The following FAF1 variants were observed in gnomAD, a reference collection of about 807,000 sequenced individuals.
The protein encoded by FAF1 is FAS-associated factor 1.
A neutral mutation model predicts 92.5 loss-of-function variants in FAF1; 25 were observed. The ratio of observed to expected loss-of-function variants is 0.27; its 90% CI spans 0.20 to 0.38. The LOEUF is 0.38. Ranked by LOEUF, FAF1 falls within the 10% of genes least tolerant of loss-of-function variation. The pLI is 1.00. For missense variants in FAF1, 636 were observed against 793.3 expected (o/e 0.80, Z 2.38); for synonymous variants, 234 against 273.2 (o/e 0.86, Z 1.42).
chr1:50,627,513 G>A (rs1468534963), intron 8 of FAF1, among the ~76,000 whole-genome samples: 2 of 151,952 alleles, frequency 1.3e-5, no homozygotes, highest in African/African-American at 4.8e-5. Context: ...GAATGAATGA[G>A]CTATAACTAC....
At chr1:50,953,421 A>T (rs998212719) in intron 1 of FAF1, among the ~76,000 whole-genome samples, 1 of 151,528 alleles carries the variant, frequency 6.6e-6, no homozygotes, top group Non-Finnish European at 1.5e-5. Flanking sequence ...ATAAATAAAT[A>T]AATTTTTAAA....
rs189801996 is a variant in FAF1, at chr1:50,883,209, T to G, written c.46-25212A>C. 1.5e-3 allele frequency among the ~76,000 whole-genome samples: 229 copies of G among 151,838 alleles called. 1 individual carries two copies. Among genetic ancestry groups the G allele is most frequent in the Non-Finnish European group, 2.7e-3 (186 of 67,890 alleles). On this transcript the variant is annotated intron_variant, in intron 1 of 18. Coordinates refer to ENST00000396153, the MANE Select transcript of FAF1 (RefSeq NM_007051.3). ...TATGGGACAATCTGAACATCAAAAA[T>G]AAAAATGTCTGAAATAAAAAGAAAA...
intron 4 of FAF1, among the ~76,000 whole-genome samples, chr1:50,749,362 TAACTTA>T (rs1309554788): frequency 6.6e-6 from 1 of 152,150 alleles, no homozygotes; most frequent in Non-Finnish European, 1.5e-5. Flanking sequence ...GAAGGGACTT[TAACTTA>T]AAGTCCCAGT....
At chr1:50,771,933 T>C (rs537349446) in intron 4 of FAF1, among the ~76,000 whole-genome samples, 24 of 152,148 alleles carry the variant, frequency 1.6e-4, no homozygotes, top group African/African-American at 5.1e-4. Flanking sequence ...AAATGCCAAC[T>C]ATGTTTAATT....
chr1:50,935,816 A>G (rs1308889715), intron 1 of FAF1, among the ~76,000 whole-genome samples: 2 of 152,214 alleles, frequency 1.3e-5, no homozygotes, highest in East Asian at 1.9e-4. Context: ...TATGAACGCT[A>G]CTAGTGATGT....
rs568166057 is a variant in FAF1, at chr1:50,956,937, A to C, written c.45+2830T>G. The stretch of plus-strand genomic sequence containing the variant: ...CACTCCAGCCTGGGCAACAAGAGTG[A>C]AACTCCATCTCAGAAAAAATAAATA... On this transcript the variant is annotated intron_variant, in intron 1 of 18. Transcript: ENST00000396153. Among the ~76,000 whole-genome samples the C allele has an allele frequency of 4.6e-5, 7 of 152,316 alleles. No individual in the cohort carries two copies. In the East Asian group the frequency reaches 1.4e-3, roughly 29 times the overall value.
At chr1:50,928,076 GGAT>G (rs1296740559) in intron 1 of FAF1, among the ~76,000 whole-genome samples, 3 of 152,164 alleles carry the variant, frequency 2.0e-5, no homozygotes, top group African/African-American at 7.2e-5. Flanking sequence ...GTGAGGATCT[GGAT>G]GATGTTCACA....
chr1:50,835,456 C>A (rs1644191682), intron 2 of FAF1, among the ~76,000 whole-genome samples: 2 of 150,220 alleles, frequency 1.3e-5, no homozygotes, highest in Non-Finnish European at 3.0e-5. Context: ...TAGAACAAAT[C>A]ATTTAACAGG....
chr1:50,576,166 T>C (rs2149062215), intron 12 of FAF1, among the ~76,000 whole-genome samples: 1 of 152,322 alleles, frequency 6.6e-6, no homozygotes. Context: ...CCATCTGTCT[T>C]ATCCACAGTG....
At chr1:50,562,628 A>T (rs895117084) in intron 13 of FAF1, among the ~76,000 whole-genome samples, 2 of 152,216 alleles carry the variant, frequency 1.3e-5, no homozygotes, top group African/African-American at 4.8e-5. Context: ...GCAACTCTGT[A>T]TAAAGTTCAT....
At chr1:50,838,300 A>C (rs985012426) in intron 2 of FAF1, among the ~76,000 whole-genome samples, 2 of 152,038 alleles carry the variant, frequency 1.3e-5, no homozygotes, top group South Asian at 4.1e-4. Flanking sequence ...AAAGCTCTGA[A>C]TTGTTTAACA....
chr1:50,808,851 T>C (rs926413594), intron 2 of FAF1, among the ~76,000 whole-genome samples: 1 of 152,146 alleles, frequency 6.6e-6, no homozygotes, highest in African/African-American at 2.4e-5. Context: ...TTTTGGATCA[T>C]TCAAAATACT....
At chr1:50,823,731 A>T (rs1162348851) in intron 2 of FAF1, among the ~76,000 whole-genome samples, 2 of 152,132 alleles carry the variant, frequency 1.3e-5, no homozygotes, top group Non-Finnish European at 2.9e-5. Context: ...GGTTTGGGAC[A>T]CTGAAAAGAG....
At chr1:50,794,615 CA>C (rs1450904537) in intron 3 of FAF1, among the ~76,000 whole-genome samples, 1 of 152,166 alleles carries the variant, frequency 6.6e-6, no homozygotes, top group East Asian at 1.9e-4. Context: ...AGAATATAAA[CA>C]TATTTGGTTT....
chr1:50,805,645 C>T (rs757944586), intron 2 of FAF1, among the ~76,000 whole-genome samples: 9 of 152,106 alleles, frequency 5.9e-5, no homozygotes, highest in Non-Finnish European at 1.3e-4. Context: ...AAATCATACC[C>T]TACATGGAAT....
chr1:50,614,401 T>C, intron 8 of FAF1, among the ~76,000 whole-genome samples: 1 of 152,112 alleles, frequency 6.6e-6, no homozygotes, highest in South Asian at 2.1e-4. Context: ...TATTGAAATA[T>C]TAGAGTTAAG....
intron 1 of FAF1, among the ~76,000 whole-genome samples, chr1:50,938,021 T>TA (rs1201475797): frequency 6.6e-6 from 1 of 152,154 alleles, no homozygotes; most frequent in Admixed American, 6.5e-5. Flanking sequence ...TTTAAAGCAG[T>TA]AAGAATTAAA....
At chr1:50,656,774 T>C (rs1180277096) in intron 7 of FAF1, among the ~76,000 whole-genome samples, 1 of 151,860 alleles carries the variant, frequency 6.6e-6, no homozygotes, top group Non-Finnish European at 1.5e-5. Context: ...TCCCAGCTAC[T>C]CGGGAAGCTG....
chr1:50,440,130 T>C lies in FAF1; in HGVS notation c.*1310A>G, dbSNP rs1472535895. 1.3e-5 allele frequency: 2 copies of C among 152,116 alleles called. No individual in the cohort carries two copies. Among genetic ancestry groups the C allele is most frequent in the Non-Finnish European group, 2.9e-5 (2 of 68,010 alleles). 9.4% of individuals were successfully genotyped at this position (152,116 alleles called of 1,614,324 possible). ...TTTGGACAAGTACAAAATGTTAAAA[T>C]CAGGATCCCAACCCCTAGGATAAAA... is the stretch of plus-strand genomic sequence containing the variant. On this transcript the variant is annotated 3_prime_UTR_variant, in exon 19 of 19. Coordinates refer to ENST00000396153, the MANE Select transcript of FAF1 (RefSeq NM_007051.3).
Sources: allele counts gnomAD v4.1 joint callset (sites outside exome capture counted in the v4.1 genomes callset), GRCh38; gene constraint gnomAD v4.1.1; transcripts MANE v1.5; gene names NCBI Gene and HGNC (gene_info 2026-07-23, HGNC 2026-07-21).